The following TAFA5 variants were observed in gnomAD, a reference collection of about 807,000 sequenced individuals.
The protein encoded by TAFA5 is TAFA chemokine like family member 5.
Under a neutral mutation model 15.3 loss-of-function variants are expected in TAFA5, and 6 were observed. That is an observed-to-expected ratio of 0.39 (90% CI 0.21 to 0.77). The LOEUF (loss-of-function observed/expected upper bound fraction) is 0.77, where lower values mean the gene tolerates loss of function less well. Ranked by LOEUF, TAFA5 falls within the 30% of genes least tolerant of loss-of-function variation. The probability of loss-of-function intolerance (pLI) is 0.41; values close to 1 mark genes in which losing one functional copy is unlikely to be tolerated. For missense variants in TAFA5, 161 were observed against 193.1 expected, an observed-to-expected ratio of 0.83 and a Z score of 0.98; for synonymous variants, 103 against 80.7, an observed-to-expected ratio of 1.28 and a Z score of -1.48.
chr22:48,666,432 A>T (rs5771921), intron 2 of TAFA5, among the ~76,000 whole-genome samples: 1 of 151,754 alleles, frequency 6.6e-6, no homozygotes, highest in Non-Finnish European at 1.5e-5. Flanking sequence ...CTCCCACCAC[A>T]GGACACCATC....
At chr22:48,522,031 C>T (rs1921619579) in intron 1 of TAFA5, among the ~76,000 whole-genome samples, 1 of 152,236 alleles carries the variant, frequency 6.6e-6, no homozygotes, top group Non-Finnish European at 1.5e-5. Flanking sequence ...TCCCTTGCGG[C>T]CTTATTCCTT....
At chr22:48,523,057 G>A (rs928200724) in intron 1 of TAFA5, among the ~76,000 whole-genome samples, 4 of 152,228 alleles carry the variant, frequency 2.6e-5, no homozygotes, top group Admixed American at 6.5e-5. Flanking sequence ...CATGGGTCAC[G>A]GTGGAGGATG....
intron 2 of TAFA5, among the ~76,000 whole-genome samples, chr22:48,699,339 C>T (rs182157321): frequency 2.6e-5 from 4 of 152,086 alleles, no homozygotes; most frequent in Admixed American, 1.3e-4. Flanking sequence ...CCTTACCAGG[C>T]GGTAAAACTG....
At chr22:48,747,086 G>A (rs989592153) in intron 3 of TAFA5, among the ~76,000 whole-genome samples, 2 of 152,204 alleles carry the variant, frequency 1.3e-5, no homozygotes, top group Admixed American at 6.5e-5. Context: ...AACAGGACTG[G>A]AGGCCACCAT....
chr22:48,586,067 C>G (rs1056898919), intron 1 of TAFA5, among the ~76,000 whole-genome samples: 4 of 152,236 alleles, frequency 2.6e-5, no homozygotes, highest in Non-Finnish European at 5.9e-5. Flanking sequence ...CCCATCCTCA[C>G]CCGGACCCTG....
intron 1 of TAFA5, among the ~76,000 whole-genome samples, chr22:48,501,410 C>T (rs1920950965): frequency 1.3e-5 from 2 of 152,200 alleles, no homozygotes; most frequent in Admixed American, 1.3e-4. Context: ...GAGACAGGCT[C>T]CAGCACCCGG....
intron 2 of TAFA5, among the ~76,000 whole-genome samples, chr22:48,657,654 G>A (rs1285203143): frequency 3.3e-5 from 5 of 152,192 alleles, no homozygotes; most frequent in Non-Finnish European, 5.9e-5. Context: ...CCTGAGGCAC[G>A]TGTCTCTCCT....
intron 2 of TAFA5, among the ~76,000 whole-genome samples, chr22:48,647,907 G>A (rs1926922905): frequency 6.6e-6 from 1 of 152,188 alleles, no homozygotes; most frequent in African/African-American, 2.4e-5. Flanking sequence ...TCTTGGGGTG[G>A]AGAGAAACCA....
chr22:48,646,800 A>T, intron 2 of TAFA5, 54 bp downstream of exon 2: 1 of 1,518,282 alleles, frequency 6.6e-7, no homozygotes, highest in Non-Finnish European at 8.8e-7. Flanking sequence ...GCGTCACCAA[A>T]GGTGCCTCTT....
intron 1 of TAFA5, among the ~76,000 whole-genome samples, chr22:48,583,324 CAA>C (rs1924167581): frequency 6.9e-6 from 1 of 145,304 alleles, no homozygotes; most frequent in African/African-American, 2.6e-5. Flanking sequence ...ACACTATACA[CAA>C]AATACGCACA....
chr22:48,730,458 G>C (rs13057630), intron 3 of TAFA5, among the ~76,000 whole-genome samples: 3 of 152,002 alleles, frequency 2.0e-5, no homozygotes, highest in Admixed American at 2.0e-4. Flanking sequence ...AGTGCGTCTT[G>C]CTACAGGCCC....
chr22:48,615,092 G>A (rs1156614917), intron 1 of TAFA5, among the ~76,000 whole-genome samples: 4 of 152,202 alleles, frequency 2.6e-5, no homozygotes, highest in Admixed American at 2.6e-4. Context: ...AAGCCTCCGT[G>A]TTTCCCAGGA....
At chr22:48,684,648 T>C (rs745454947) in intron 2 of TAFA5, among the ~76,000 whole-genome samples, 3 of 152,170 alleles carry the variant, frequency 2.0e-5, no homozygotes, top group Non-Finnish European at 4.4e-5. Flanking sequence ...TCCTGCCCGC[T>C]TCCCAGGATC....
intron 3 of TAFA5, among the ~76,000 whole-genome samples, chr22:48,725,099 G>A (rs770245465): frequency 1.3e-5 from 2 of 152,242 alleles, no homozygotes; most frequent in Admixed American, 6.5e-5. Flanking sequence ...CTGAGGAGCC[G>A]CCTCCAGCTG....
intron 1 of TAFA5, among the ~76,000 whole-genome samples, chr22:48,575,301 G>A (rs1235329985): frequency 6.6e-6 from 1 of 151,370 alleles, no homozygotes; most frequent in Non-Finnish European, 1.5e-5. Flanking sequence ...ACCCGCCGGC[G>A]CGCCAGGCGG....
At chr22:48,635,934 C>T (rs1295318716) in intron 1 of TAFA5, among the ~76,000 whole-genome samples, 2 of 152,250 alleles carry the variant, frequency 1.3e-5, no homozygotes, top group Non-Finnish European at 2.9e-5. Context: ...TCTTGGCACA[C>T]TTGGCCCAGG....
At chr22:48,658,465 T>A (rs1449175042) in intron 2 of TAFA5, among the ~76,000 whole-genome samples, 2 of 152,214 alleles carry the variant, frequency 1.3e-5, no homozygotes, top group Admixed American at 1.3e-4. Context: ...TTTTTCAGCA[T>A]CCTGAAAGCC....
chr22:48,530,022 G>A lies in TAFA5; in HGVS notation c.112+40318G>A, dbSNP rs1005146815. On this transcript the variant is annotated intron_variant, in intron 1 of 3. Transcript: ENST00000402357. The surrounding 1 kb of genome is among the most constrained non-coding windows in gnomAD (Gnocchi z 6.0). ...GCTGTGGGCCCTCTGGACACCCCCT[G>A]AGGACTGAGCTTGTGGCTGCAGAGG... Among the ~76,000 whole-genome samples, 5 of 152,104 alleles carry A rather than the reference G, an allele frequency of 3.3e-5. No individual in the cohort carries two copies. Among genetic ancestry groups the A allele is most frequent in the Non-Finnish European group, 7.4e-5 (5 of 67,998 alleles).
chr22:48,516,739 C>T (rs1419255909), intron 1 of TAFA5, among the ~76,000 whole-genome samples: 1 of 152,182 alleles, frequency 6.6e-6, no homozygotes, highest in Non-Finnish European at 1.5e-5. Context: ...GCCACCGCCA[C>T]GAAGGCAAGT....
Sources: gnomAD v4.1 joint callset for allele counts (sites outside exome capture counted in the v4.1 genomes callset) on GRCh38, gnomAD v4.1.1 for gene constraint, Gnocchi (gnomAD v3.1) non-coding constraint, MANE v1.5 for transcripts, NCBI Gene and HGNC (gene_info 2026-07-23, HGNC 2026-07-21) for gene names.